FGFR1: variants seen among roughly 807,000 people sequenced by gnomAD.
The protein encoded by FGFR1 is FGFR1/PLAG1 fusion.
FGFR1 carries 18 observed loss-of-function variants against 93.7 expected under a neutral mutation model. That is an observed-to-expected ratio of 0.19 (90% CI 0.13 to 0.28). The LOEUF is 0.28. FGFR1 is among the 10% of genes least tolerant of loss of function. The pLI is 1.00. For missense variants in FGFR1, 731 were observed against 1,080.4 expected (o/e 0.68, Z 4.53); for synonymous variants, 448 against 429.3 (o/e 1.04, Z -0.54).
chr8:38,425,855 G>A (rs774306973), intron 6 of FGFR1: 88 of 508,840 alleles, frequency 1.7e-4, no homozygotes, highest in Non-Finnish European at 2.5e-4. Flanking sequence ...CTCCAACAAC[G>A]CCTCCTTCAG....
chr8:38,467,065 T>C (rs1045083295), intron 1 of FGFR1, among the ~76,000 whole-genome samples: 1 of 151,540 alleles, frequency 6.6e-6, no homozygotes, highest in South Asian at 2.1e-4. Flanking sequence ...TGCAGAGGGG[T>C]CTGGGCCAGA....
chr8:38,445,075 A>G (rs1828863578), intron 2 of FGFR1, among the ~76,000 whole-genome samples: 1 of 152,274 alleles, frequency 6.6e-6, no homozygotes, highest in South Asian at 2.1e-4. Context: ...ACCCTGTCCC[A>G]GCCCTAACCA....
intron 2 of FGFR1, among the ~76,000 whole-genome samples, chr8:38,454,656 G>C (rs1832186406): frequency 6.6e-6 from 1 of 152,214 alleles, no homozygotes; most frequent in Non-Finnish European, 1.5e-5. Context: ...GGCAGCAGCA[G>C]TGGCAGCAAT....
chr8:38,456,311 C>T (rs1390020808), intron 2 of FGFR1, among the ~76,000 whole-genome samples: 2 of 152,216 alleles, frequency 1.3e-5, no homozygotes, highest in Non-Finnish European at 2.9e-5. Context: ...CACCGGTATT[C>T]TGTACCTATA....
At chr8:38,432,898 T>TCCCCCCCCCCCCCCCCCCCCCCC (rs1346478781) in intron 2 of FGFR1, among the ~76,000 whole-genome samples, 1 of 89,410 alleles carries the variant, frequency 1.1e-5, no homozygotes, top group Admixed American at 1.2e-4. Context: ...GGGCTGTCCC[T>TCCCCCCCCCCCCCCCCCCCCCCC]CCCCACCGCG....
chr8:38,448,684 GT>G (rs1830152152), intron 2 of FGFR1, among the ~76,000 whole-genome samples: 1 of 152,216 alleles, frequency 6.6e-6, no homozygotes, highest in Non-Finnish European at 1.5e-5. Context: ...GCCAGGTGTG[GT>G]GGCTCACGCC....
At chr8:38,428,558 T>C in intron 3 of FGFR1, 123 bp from the exon 4 acceptor site, 1 of 745,436 alleles carries the variant, frequency 1.3e-6, no homozygotes, top group African/African-American at 1.7e-5. Flanking sequence ...ACTGCTCCCT[T>C]AGTGATGATC....
chr8:38,455,231 T>C lies in FGFR1; in HGVS notation c.91+2125A>G, dbSNP rs1832465451. ...GCTCAAGCAATCCTCCTGCCTCGGC[T>C]TCCCAAAATGTTGAGATTACCAGCA... is the stretch of plus-strand genomic sequence containing the variant. On this transcript the variant is annotated intron_variant, in intron 2 of 17. Coordinates refer to ENST00000447712, the MANE Select transcript of FGFR1 (RefSeq NM_023110.3). Among the ~76,000 whole-genome samples the C allele has an allele frequency of 2.0e-5, 3 of 152,292 alleles. 1 individual carries two copies. Among genetic ancestry groups the C allele is most frequent in the African/African-American group, 7.2e-5 (3 of 41,574 alleles).
chr8:38,428,733 A>C, intron 3 of FGFR1: 1 of 438,122 alleles, frequency 2.3e-6, no homozygotes, highest in Non-Finnish European at 4.3e-6. Flanking sequence ...CGCTTTCTCA[A>C]CTTGTGGTGC....
chr8:38,458,809 C>T (rs1833630492), intron 1 of FGFR1: 1 of 221,244 alleles, frequency 4.5e-6, no homozygotes, highest in Non-Finnish European at 9.0e-6. Flanking sequence ...CTACCAGCCT[C>T]CCTTGCAGAG....
chr8:38,440,380 G>A, intron 2 of FGFR1: 1 of 1,586,750 alleles, frequency 6.3e-7, no homozygotes, highest in Non-Finnish European at 8.6e-7. Context: ...CATCCTACAA[G>A]GGTTTGGGTG....
intron 2 of FGFR1, chr8:38,430,786 T>C (rs1822768395): frequency 6.6e-6 from 1 of 152,256 alleles, no homozygotes; most frequent in Non-Finnish European, 1.5e-5. Context: ...TCTCTGTCCC[T>C]GGGTGGGAGC....
At chr8:38,423,046 C>CA in intron 7 of FGFR1, 1 of 779,762 alleles carries the variant, frequency 1.3e-6, no homozygotes. Context: ...GGTCTGGTGA[C>CA]AGTGAGCCAC....
rs752977108 is a variant in FGFR1, at chr8:38,412,313, G to A, written c.*1315C>T. On this transcript the variant is annotated 3_prime_UTR_variant, in exon 18 of 18. Transcript: ENST00000447712. ...GATCTGCCCACCTCGGTGTCCCAAA[G>A]TGCTGGGATTACAGGCGTGAGCAAC... The A allele has an allele frequency of 4.4e-6, 1 of 228,140 alleles. No individual in the cohort carries two copies. Among genetic ancestry groups the A allele is most frequent in the Non-Finnish European group, 8.7e-6 (1 of 114,928 alleles). 14.1% of individuals were successfully genotyped at this position (228,140 alleles called of 1,614,324 possible).
At chr8:38,418,801 T>C in intron 9 of FGFR1, 1 of 250,440 alleles carries the variant, frequency 4.0e-6, no homozygotes. Flanking sequence ...TACCATTTCC[T>C]CCCGTGGGGA....
At chr8:38,421,534 C>A in intron 8 of FGFR1, 1 of 542,732 alleles carries the variant, frequency 1.8e-6, no homozygotes, top group East Asian at 3.2e-5. Context: ...AACCCAGATC[C>A]CGGGCATGCA....
intron 10 of FGFR1, 71 bp downstream of exon 10, chr8:38,418,157 T>C: frequency 1.2e-6 from 2 of 1,605,070 alleles, no homozygotes; most frequent in East Asian, 2.2e-5. Context: ...GGTGTTAGTA[T>C]ACACACCTTC....
chr8:38,411,558 T>A lies in FGFR1; in HGVS notation c.*2070A>T, dbSNP rs1814425346. The A allele has an allele frequency of 4.4e-6, 1 of 228,142 alleles. No homozygotes were observed. Among genetic ancestry groups the A allele is most frequent in the Non-Finnish European group, 8.7e-6 (1 of 114,918 alleles). The allele number at this position is 228,142 out of a possible 1,614,324, so 14.1% of individuals were successfully genotyped here. A position where few individuals can be genotyped will look rare whatever the true frequency, so the allele number is the denominator to read the frequency against. On this transcript the variant is annotated 3_prime_UTR_variant, in exon 18 of 18. Coordinates refer to ENST00000447712, the MANE Select transcript of FGFR1 (RefSeq NM_023110.3). ...CTGCAGCTGCCAAAAAATCCCTAGC[T>A]CAGAAATTTAAAGCAGCAATCCCAT...
At position 38,413,562 on chromosome 8, in the gene FGFR1, C is replaced by A. The variant is rs866523242; in HGVS notation, c.*66G>T. 2 of 1,519,238 alleles carry A rather than the reference C, an allele frequency of 1.3e-6. No individual in the cohort carries two copies. The highest frequency in any genetic ancestry group is 2.5e-5 in the South Asian group (2 of 79,828). The allele number at this position is 1,519,238 out of a possible 1,614,324, so 94.1% of individuals were successfully genotyped here. A position where few individuals can be genotyped will look rare whatever the true frequency, so the allele number is the denominator to read the frequency against. On this transcript the variant is annotated 3_prime_UTR_variant, in exon 18 of 18. Transcript: ENST00000447712. The surrounding 1 kb of genome is among the most constrained non-coding windows in gnomAD (Gnocchi z 4.2). ...GGACAGGGACGGACAGGTGGTGGGC[C>A]CAGCAGGGGCTGTGGGTGAGGGTTA...
Sources: allele counts gnomAD v4.1 joint callset (sites outside exome capture counted in the v4.1 genomes callset), GRCh38; gene constraint gnomAD v4.1.1; non-coding constraint Gnocchi (gnomAD v3.1); transcripts MANE v1.5; gene names NCBI Gene and HGNC (gene_info 2026-07-23, HGNC 2026-07-21).